MDFIC: variants seen among roughly 807,000 people sequenced by gnomAD.
MDFIC encodes myoD family inhibitor domain-containing protein.
In MDFIC, 17 loss-of-function variants were observed where a neutral mutation model predicts 23.2. That is an observed-to-expected ratio of 0.73 (90% confidence interval 0.50 to 1.10). The LOEUF (loss-of-function observed/expected upper bound fraction) is 1.10. MDFIC is among the 50% of genes least tolerant of loss of function. MDFIC has a pLI of 0.00. For missense variants in MDFIC, 356 were observed against 316.6 expected, an observed-to-expected ratio of 1.12 and a Z score of -0.95; for synonymous variants, 120 against 115.2, an observed-to-expected ratio of 1.04 and a Z score of -0.27.
chr7:114,925,902 A>C (rs920702137), intron 2 of MDFIC, among the ~76,000 whole-genome samples: 5 of 152,234 alleles, frequency 3.3e-5, no homozygotes, highest in Non-Finnish European at 5.9e-5. Flanking sequence ...GAAAATAGAA[A>C]GTAAACATGT....
chr7:114,942,530 G>C (rs1452501273), intron 3 of MDFIC, 133 bp downstream of exon 3: 3 of 646,456 alleles, frequency 4.6e-6, no homozygotes, highest in Non-Finnish European at 7.1e-6. Flanking sequence ...GGTTTCATTT[G>C]TATTTTAAAT....
intron 4 of MDFIC, among the ~76,000 whole-genome samples, chr7:115,013,775 T>A (rs1300474124): frequency 1.3e-5 from 2 of 152,150 alleles, no homozygotes; most frequent in African/African-American, 4.8e-5. Flanking sequence ...GATGCTGAGA[T>A]GAAAGTATGG....
At chr7:114,951,602 AGTGAAAGCATATGG>A (rs555244039) in intron 3 of MDFIC, among the ~76,000 whole-genome samples, 30 of 152,278 alleles carry the variant, frequency 2.0e-4, no homozygotes, top group Non-Finnish European at 3.2e-4. Flanking sequence ...TATGAAGTTG[AGTGAAAGCATATGG>A]GTGAAGAGGA....
Position 115,019,336 on chromosome 7 carries a change from C to G in MDFIC, c.*3401C>G, listed in dbSNP as rs1791857770. ...TTATTTTTTCATTTTTACAGTGTATCAACTGTATCCATTTTCCTCACCTGG... is the reference window on the plus strand; with the variant it reads ...TTATTTTTTCATTTTTACAGTGTATGAACTGTATCCATTTTCCTCACCTGG... On this transcript the variant is annotated 3_prime_UTR_variant, in exon 5 of 5. Transcript: ENST00000393486. 1 of 151,964 alleles carries G rather than the reference C, an allele frequency of 6.6e-6. No individual in the cohort carries two copies. The highest frequency in any genetic ancestry group is 2.1e-4 in the South Asian group (1 of 4,812). 9.4% of individuals were successfully genotyped at this position (151,964 alleles called of 1,614,324 possible). A position where few individuals can be genotyped will look rare whatever the true frequency, so the allele number is the denominator to read the frequency against.
intron 4 of MDFIC, among the ~76,000 whole-genome samples, chr7:115,001,954 T>A (rs1214059681): frequency 6.6e-6 from 1 of 152,138 alleles, no homozygotes; most frequent in East Asian, 1.9e-4. Context: ...CTGGCCAACA[T>A]GGCTAAACCC....
At chr7:114,963,321 G>A (rs1469846947) in intron 3 of MDFIC, among the ~76,000 whole-genome samples, 2 of 152,174 alleles carry the variant, frequency 1.3e-5, no homozygotes, top group Non-Finnish European at 2.9e-5. Flanking sequence ...CCAGAGGACA[G>A]TGTGTGTATT....
In MDFIC at chr7:114,943,521, T is replaced by C. The variant is rs148326660; in HGVS notation, c.217+1124T>C. On this transcript the variant is annotated intron_variant, in intron 3 of 4. Transcript: ENST00000393486. ...TTTTGGTTTTTATACACTTTGGTCTTGGAGAAGGGAGTAGGAAGGAAGGAA... is the reference window on the plus strand; with the variant it reads ...TTTTGGTTTTTATACACTTTGGTCTCGGAGAAGGGAGTAGGAAGGAAGGAA... Among the ~76,000 whole-genome samples, 564 of 152,262 alleles carry C rather than the reference T, an allele frequency of 3.7e-3. 5 individuals are homozygous for C. The highest frequency in any genetic ancestry group is 0.013 in the African/African-American group (549 of 41,560).
At chr7:115,008,779 G>A (rs188425618) in intron 4 of MDFIC, among the ~76,000 whole-genome samples, 1 of 152,192 alleles carries the variant, frequency 6.6e-6, no homozygotes, top group African/African-American at 2.4e-5. Context: ...AGCAATCTCG[G>A]CTGTGATTCA....
intron 4 of MDFIC, among the ~76,000 whole-genome samples, chr7:115,008,411 G>A (rs1791615060): frequency 1.3e-5 from 2 of 152,014 alleles, no homozygotes; most frequent in Admixed American, 6.6e-5. Context: ...GGAAAATGTA[G>A]CTTTTCTCTA....
intron 3 of MDFIC, among the ~76,000 whole-genome samples, chr7:114,957,898 A>G (rs1340827498): frequency 6.6e-6 from 1 of 152,206 alleles, no homozygotes; most frequent in African/African-American, 2.4e-5. Flanking sequence ...CAATAAGCCA[A>G]TAATAATTAT....
rs114914901 is a variant in MDFIC, at chr7:114,923,478, G to T, written c.94+351G>T. On this transcript the variant is annotated intron_variant, in intron 2 of 4. Transcript: ENST00000393486. ...CTCTAGGTCTCTTCAGCAGATCCAG[G>T]ACTGCCGCAGCTCTCTGAACAAGCG... The T allele has an allele frequency of 1.1e-4, 174 of 1,537,822 alleles. No homozygotes were observed. The African/African-American group carries it at 2.1e-3, about 19-fold the overall frequency.
intron 4 of MDFIC, chr7:115,013,969 G>A (rs1791738046): frequency 2.0e-6 from 2 of 985,022 alleles, no homozygotes; most frequent in Non-Finnish European, 2.4e-6. Context: ...TTTTGTTTTT[G>A]TTTTTCCAGT....
In MDFIC at chr7:115,019,032, A is replaced by G. The variant is rs1791852820; in HGVS notation, c.*3097A>G. The stretch of plus-strand genomic sequence containing the variant: ...AAGTTTTTTTTTTTTACATCGTTTT[A>G]GTAAGTTAATTTCATTTATTTACTT... On this transcript the variant is annotated 3_prime_UTR_variant, in exon 5 of 5. Transcript: ENST00000393486. 1 of 151,464 alleles carries G rather than the reference A, an allele frequency of 6.6e-6. No homozygotes were observed. Among genetic ancestry groups the G allele is most frequent in the South Asian group, 2.1e-4 (1 of 4,812 alleles). The allele number at this position is 151,464 out of a possible 1,614,324, so 9.4% of individuals were successfully genotyped here.
At chr7:114,997,707 C>T (rs1168616815) in intron 4 of MDFIC, among the ~76,000 whole-genome samples, 1 of 150,190 alleles carries the variant, frequency 6.7e-6, no homozygotes, top group East Asian at 2.0e-4. Flanking sequence ...ATGGTTGTGC[C>T]ACTGCACTCC....
intron 2 of MDFIC, among the ~76,000 whole-genome samples, chr7:114,924,581 C>T (rs1351568688): frequency 3.7e-5 from 1 of 27,002 alleles, no homozygotes; most frequent in African/African-American, 7.6e-5. Flanking sequence ...CTAGAGTGGC[C>T]TGAAGTACAT....
intron 4 of MDFIC, among the ~76,000 whole-genome samples, chr7:114,981,038 T>G (rs969651865): frequency 6.6e-6 from 1 of 152,214 alleles, no homozygotes; most frequent in African/African-American, 2.4e-5. Context: ...GAGTTTGACA[T>G]GTAAGCTGCA....
chr7:114,982,785 C>T (rs529997065), intron 4 of MDFIC, among the ~76,000 whole-genome samples: 67 of 152,274 alleles, frequency 4.4e-4, no homozygotes, highest in African/African-American at 1.6e-3. Flanking sequence ...CTGGGAAGAG[C>T]AAGATCAAGG....
chr7:114,997,766 A>G (rs1037547854), intron 4 of MDFIC, among the ~76,000 whole-genome samples: 4 of 151,224 alleles, frequency 2.6e-5, no homozygotes, highest in African/African-American at 9.7e-5. Flanking sequence ...GAAAAAAAAA[A>G]AGAAAAGAAA....
chr7:114,990,629 G>C (rs1793591158), intron 4 of MDFIC, among the ~76,000 whole-genome samples: 1 of 152,118 alleles, frequency 6.6e-6, no homozygotes, highest in Non-Finnish European at 1.5e-5. Flanking sequence ...ATAGTTTGCT[G>C]AAAATGATGG....
Sources: gnomAD v4.1 joint callset for allele counts (sites outside exome capture counted in the v4.1 genomes callset) on GRCh38, gnomAD v4.1.1 for gene constraint, MANE v1.5 for transcripts, NCBI Gene and HGNC (gene_info 2026-07-23, HGNC 2026-07-21) for gene names.